The following SMIM19 variants were observed in gnomAD, a reference collection of about 807,000 sequenced individuals.
The protein encoded by SMIM19 is UPF0697 protein C8orf40.
A neutral mutation model predicts 13.2 loss-of-function variants in SMIM19; 6 were observed. The ratio of observed to expected loss-of-function variants is 0.45; its 90% CI spans 0.25 to 0.90. The LOEUF (loss-of-function observed/expected upper bound fraction) is 0.90, where lower values mean the gene tolerates loss of function less well. Ranked by LOEUF, SMIM19 falls within the 40% of genes least tolerant of loss-of-function variation. The pLI is 0.19. For missense variants in SMIM19, 138 were observed against 131.0 expected, an observed-to-expected ratio of 1.05 and a Z score of -0.26; for synonymous variants, 46 against 43.1, an observed-to-expected ratio of 1.07 and a Z score of -0.27.
chr8:42,549,627 A>G (rs1342497525), intron 3 of SMIM19, among the ~76,000 whole-genome samples: 1 of 152,178 alleles, frequency 6.6e-6, no homozygotes, highest in Non-Finnish European at 1.5e-5. Flanking sequence ...GTTGGGGATG[A>G]TGAGAAGAGC....
intron 1 of SMIM19, among the ~76,000 whole-genome samples, chr8:42,544,521 AAAC>A (rs796494318): frequency 8.5e-4 from 31 of 36,376 alleles, no homozygotes; most frequent in East Asian, 2.6e-3. Flanking sequence ...TCTAGTGTTT[AAAC>A]AATATTTAGA....
At position 42,542,129 on chromosome 8, in the gene SMIM19, A is replaced by C. The variant is rs1414688126; in HGVS notation, c.-249A>C. ...TTCCGGAAGGAGCAGGTCTCGCAGG[A>C]TCGGGGCCAAGACTGGAAGAGTTCA... On this transcript the variant is annotated 5_prime_UTR_variant, in exon 1 of 4. Coordinates refer to ENST00000417410, the MANE Select transcript of SMIM19 (RefSeq NM_001135674.2). The C allele has an allele frequency of 6.6e-6, 1 of 152,098 alleles. No homozygotes were observed. Among genetic ancestry groups the C allele is most frequent in the Admixed American group, 6.6e-5 (1 of 15,266 alleles). 9.4% of individuals were successfully genotyped at this position (152,098 alleles called of 1,614,324 possible). A position where few individuals can be genotyped will look rare whatever the true frequency, so the allele number is the denominator to read the frequency against.
Position 42,552,649 on chromosome 8 carries a change from C to T in SMIM19, c.*41C>T, listed in dbSNP as rs759452198. The T allele has an allele frequency of 6.9e-6, 11 of 1,591,106 alleles. No homozygotes were observed. The highest frequency in any genetic ancestry group is 9.5e-6 in the Non-Finnish European group (11 of 1,161,762). On this transcript the variant is annotated 3_prime_UTR_variant, in exon 4 of 4. Transcript: ENST00000417410. ...GCAACAGAAGTAATTGTTTCAAGCT[C>T]CTGATTCTTTCTACTAAATCATGAA...
At chr8:42,547,335 C>T (rs1263284194) in intron 2 of SMIM19, among the ~76,000 whole-genome samples, 3 of 149,658 alleles carry the variant, frequency 2.0e-5, no homozygotes, top group African/African-American at 7.4e-5. Flanking sequence ...CCAGCCTGGG[C>T]GACAAAGTGA....
chr8:42,541,477 C>T (rs1813152606), upstream of SMIM19: 1 of 146,402 alleles, frequency 6.8e-6, no homozygotes, highest in Non-Finnish European at 1.5e-5. Flanking sequence ...ACTGGGGCCG[C>T]CGCTGCGTCT....
intron 3 of SMIM19, among the ~76,000 whole-genome samples, chr8:42,551,793 A>T (rs1200812616): frequency 6.6e-6 from 1 of 151,772 alleles, no homozygotes. Context: ...AAATAAAAAA[A>T]ATTAGCTGGG....
intron 1 of SMIM19, among the ~76,000 whole-genome samples, chr8:42,544,397 C>G (rs1312206715): frequency 7.0e-6 from 1 of 143,138 alleles, no homozygotes; most frequent in Non-Finnish European, 1.5e-5. Flanking sequence ...GGTGACAGAG[C>G]GAGACTCTGT....
chr8:42,552,729 CA>C lies in SMIM19; in HGVS notation c.*123del. 8.1e-7 allele frequency: 1 copy of C among 1,227,946 alleles called. No homozygotes were observed. Among genetic ancestry groups the C allele is most frequent in the East Asian group, 2.4e-5 (1 of 41,794 alleles). 76.1% of individuals were successfully genotyped at this position (1,227,946 alleles called of 1,614,324 possible). On this transcript the variant is annotated 3_prime_UTR_variant, in exon 4 of 4. Transcript: ENST00000417410. The stretch of plus-strand genomic sequence containing the variant: ...AATTATTTTACTTGTAACTTTTCCC[CA>C]ATTGTTCTGTGCATTGTTTTGCCTT...
intron 1 of SMIM19, among the ~76,000 whole-genome samples, chr8:42,545,302 A>T (rs1813440484): frequency 6.6e-6 from 1 of 152,254 alleles, no homozygotes; most frequent in Admixed American, 6.5e-5. Context: ...GAATGTCCAA[A>T]GAATGCATTT....
intron 2 of SMIM19, 89 bp downstream of exon 2, chr8:42,546,695 T>C: frequency 6.7e-7 from 1 of 1,503,006 alleles, no homozygotes; most frequent in Non-Finnish European, 9.0e-7. Context: ...ATAAAAGTAA[T>C]TTCATCAGGC....
At position 42,542,371 on chromosome 8, in the gene SMIM19, C is replaced by G. The variant is rs1371879245; in HGVS notation, c.-7C>G. 1.1e-6 allele frequency: 1 copy of G among 922,196 alleles called. No individual in the cohort carries two copies. The highest frequency in any genetic ancestry group is 1.8e-5 in the African/African-American group (1 of 55,882). The allele number at this position is 922,196 out of a possible 1,614,324, so 57.1% of individuals were successfully genotyped here. On this transcript the variant is annotated splice_region_variant and 5_prime_UTR_variant, in exon 1 of 4. Transcript: ENST00000417410. ...TGGATGTTGGGTGAAGGCCTGTGAG[C>G]TTGTATGTACCCTTTGGCTTCAGAA...
intron 1 of SMIM19, among the ~76,000 whole-genome samples, chr8:42,545,993 A>G (rs184124836): frequency 1.8e-4 from 28 of 152,360 alleles, no homozygotes; most frequent in African/African-American, 5.1e-4. Flanking sequence ...TTGAAACAAA[A>G]TCAATATTGT....
At position 42,552,586 on chromosome 8, in the gene SMIM19, G is replaced by A. The variant is rs1490455820; in HGVS notation, c.302G>A (p.Ser101Asn). 10 of 1,614,106 alleles carry A rather than the reference G, an allele frequency of 6.2e-6. No individual in the cohort carries two copies. The highest frequency in any genetic ancestry group is 1.3e-5 in the African/African-American group (1 of 75,056). Residue 101 changes from serine (S) to asparagine (N), a missense_variant, in exon 4 of 4, where the codon AGT becomes AAT. By Grantham distance (46) the Ser-to-Asn change is conservative. Coordinates refer to ENST00000417410, the MANE Select transcript of SMIM19 (RefSeq NM_001135674.2). ...CAGCAGCCACAAAACCAAGCTGACAGTGTGCAACTCTCATTGGAATGAAAC... is the reference window on the plus strand; with the variant it reads ...CAGCAGCCACAAAACCAAGCTGACAATGTGCAACTCTCATTGGAATGAAAC... ...DYQQPQNQAD[S>N]VQLSLE is the part of the protein sequence containing the mutation.
chr8:42,551,115 G>A (rs965366619), intron 3 of SMIM19, among the ~76,000 whole-genome samples: 6 of 151,752 alleles, frequency 4.0e-5, no homozygotes, highest in South Asian at 4.2e-4. Context: ...TCAGGAGATC[G>A]AGACCATCCT....
chr8:42,544,178 G>A (rs1813394181), intron 1 of SMIM19, among the ~76,000 whole-genome samples: 1 of 152,074 alleles, frequency 6.6e-6, no homozygotes, highest in South Asian at 2.1e-4. Flanking sequence ...TTGGGAGGCC[G>A]AGGTGGGCGG....
rs944370909 is a variant in SMIM19, at chr8:42,545,201, A to G, written c.-4-1268A>G. ...CAAGGGAGGAACTCTCTTTAAAGAA[A>G]AATTCAGTTAACTTCTCAAACACAA... On this transcript the variant is annotated intron_variant, in intron 1 of 3. Coordinates refer to ENST00000417410, the MANE Select transcript of SMIM19 (RefSeq NM_001135674.2). Among the ~76,000 whole-genome samples the G allele has an allele frequency of 3.3e-5, 5 of 152,224 alleles. No homozygotes were observed. In the South Asian group the frequency reaches 1.0e-3, roughly 31 times the overall value.
intron 3 of SMIM19, among the ~76,000 whole-genome samples, chr8:42,550,407 C>G (rs912121011): frequency 1.3e-5 from 2 of 152,150 alleles, no homozygotes; most frequent in South Asian, 4.1e-4. Flanking sequence ...AGCTCCACAG[C>G]AGCTGCACCG....
chr8:42,548,004 C>T (rs996387173), intron 2 of SMIM19, among the ~76,000 whole-genome samples: 2 of 152,160 alleles, frequency 1.3e-5, no homozygotes, highest in African/African-American at 2.4e-5. Flanking sequence ...ATTCAGAGCC[C>T]GCACTTGCGC....
In SMIM19 at chr8:42,552,046, G is replaced by C. The variant is rs563972191; in HGVS notation, c.260-498G>C. 2.6e-5 allele frequency among the ~76,000 whole-genome samples: 4 copies of C among 152,282 alleles called. No individual in the cohort carries two copies. In the South Asian group the frequency reaches 8.3e-4, roughly 32 times the overall value. On this transcript the variant is annotated intron_variant, in intron 3 of 3. Coordinates refer to ENST00000417410, the MANE Select transcript of SMIM19 (RefSeq NM_001135674.2). ...AATAATAATAAACATATAAAAATGG[G>C]CATCAGCAGTGTTGAGAAATTAGAG...
Sources: gnomAD v4.1 joint callset for allele counts (sites outside exome capture counted in the v4.1 genomes callset) on GRCh38, gnomAD v4.1.1 for gene constraint, MANE v1.5 for transcripts, NCBI Gene and HGNC (gene_info 2026-07-23, HGNC 2026-07-21) for gene names.